Variants in KCNT2 observed in about 807,000 individuals in gnomAD.
The protein encoded by KCNT2 is potassium channel subfamily T member 2.
A neutral mutation model predicts 153.8 loss-of-function variants in KCNT2; 67 were observed. The ratio of observed to expected loss-of-function variants is 0.44; its 90% CI spans 0.36 to 0.53. The LOEUF (loss-of-function observed/expected upper bound fraction) is 0.53. Ranked by LOEUF, KCNT2 falls within the 20% of genes least tolerant of loss-of-function variation. The pLI, the probability that KCNT2 is intolerant of heterozygous loss-of-function variation, is 0.00. For missense variants in KCNT2, 975 were observed against 1,354.8 expected (o/e 0.72, Z 4.40); for synonymous variants, 500 against 458.8 (o/e 1.09, Z -1.15).
Position 196,315,963 on chromosome 1 carries a change from C to G in KCNT2, c.2412G>C (p.Glu804Asp). 1.2e-6 allele frequency: 2 copies of G among 1,610,302 alleles called. No individual in the cohort carries two copies. The highest frequency in any genetic ancestry group is 1.7e-6 in the Non-Finnish European group (2 of 1,177,580). Residue 804 changes from glutamate (E) to aspartate (D), a missense_variant, in exon 21 of 28, where the codon GAG becomes GAC. By Grantham distance (45) the Glu-to-Asp change is conservative. Coordinates refer to ENST00000294725, the MANE Select transcript of KCNT2 (RefSeq NM_198503.5). ...AGTCTTCCTCGGCACTCATGGTGCT[C>G]TCTTTATCCACAACCACCATATTAG... is the stretch of plus-strand genomic sequence containing the variant. ...FAANMVVVDK[E>D]STMSAEEDYM...
intron 1 of KCNT2, among the ~76,000 whole-genome samples, chr1:196,566,670 T>C (rs1284294988): frequency 2.0e-5 from 3 of 152,106 alleles, no homozygotes; most frequent in African/African-American, 7.2e-5. Context: ...AAACTGTTTT[T>C]ATAGTTTTAC....
At chr1:196,247,797 G>A (rs1162550218) in intron 26 of KCNT2, among the ~76,000 whole-genome samples, 1 of 151,974 alleles carries the variant, frequency 6.6e-6, no homozygotes, top group African/African-American at 2.4e-5. Flanking sequence ...ATATGGGTGG[G>A]GGCACAACCA....
rs537911413 is a variant in KCNT2, at chr1:196,305,086, A to T, written c.2595+148T>A. On this transcript the variant is annotated intron_variant, in intron 22 of 27. Coordinates refer to ENST00000294725, the MANE Select transcript of KCNT2 (RefSeq NM_198503.5). ...TCTGTCAATTCACATTTTTAAAAAAATTATCAATTAGAATTTCATCTCCCA... is the reference window on the plus strand; with the variant it reads ...TCTGTCAATTCACATTTTTAAAAAATTTATCAATTAGAATTTCATCTCCCA... 1.2e-4 allele frequency: 72 copies of T among 605,670 alleles called. 1 individual carries two copies. The South Asian group carries it at 1.4e-3, about 12-fold the overall frequency. The allele number at this position is 605,670 out of a possible 1,614,324, so 37.5% of individuals were successfully genotyped here. A position where few individuals can be genotyped will look rare whatever the true frequency, so the allele number is the denominator to read the frequency against.
chr1:196,604,112 T>C (rs897669266), intron 1 of KCNT2, among the ~76,000 whole-genome samples: 18 of 152,220 alleles, frequency 1.2e-4, no homozygotes, highest in African/African-American at 4.3e-4. Context: ...TTGAGCTATC[T>C]CTAATATGTG....
intron 14 of KCNT2, among the ~76,000 whole-genome samples, chr1:196,349,608 C>A (rs938026773): frequency 1.3e-5 from 2 of 152,112 alleles, no homozygotes; most frequent in East Asian, 3.9e-4. Flanking sequence ...CCTATAGACT[C>A]TAGCTTCTTC....
intron 8 of KCNT2, among the ~76,000 whole-genome samples, chr1:196,462,655 A>G (rs878983881): frequency 1.3e-5 from 2 of 151,710 alleles, no homozygotes; most frequent in Admixed American, 1.3e-4. Flanking sequence ...CTATTTGCTT[A>G]ACACTTTATA....
chr1:196,390,640 A>G (rs1024888205), intron 13 of KCNT2, among the ~76,000 whole-genome samples: 2 of 151,214 alleles, frequency 1.3e-5, no homozygotes, highest in Admixed American at 6.6e-5. Flanking sequence ...TTTTTAATCT[A>G]GTTAAAATTT....
At chr1:196,333,521 C>T (rs1664692514) in intron 17 of KCNT2, among the ~76,000 whole-genome samples, 1 of 151,850 alleles carries the variant, frequency 6.6e-6, no homozygotes, top group Admixed American at 6.6e-5. Flanking sequence ...GTACAATATA[C>T]TATAAAAACC....
In KCNT2 at chr1:196,479,181, T is replaced by C; in HGVS notation, c.382A>G (p.Lys128Glu). The stretch of plus-strand genomic sequence containing the variant: ...AACTGCTAATTAAAATAACTTACCT[T>C]ATAACTAAGATAACCAAGTAATATT... Reference protein sequence around the residue: ...ETILLGYLSYKGNIWEQILRI... With the variant: ...ETILLGYLSYEGNIWEQILRI... Residue 128 changes from lysine to glutamate, a missense_variant and splice_region_variant, in exon 5 of 28, where the codon AAG becomes GAG. Lys to Glu is a moderately conservative substitution (Grantham distance 56). Around this residue, in one of 6 missense-constraint regions of KCNT2, gnomAD observed 140 missense variants for 216.0 expected, o/e 0.65. Coordinates refer to ENST00000294725, the MANE Select transcript of KCNT2 (RefSeq NM_198503.5). The C allele has an allele frequency of 6.5e-7, 1 of 1,533,540 alleles. No individual in the cohort carries two copies. Among genetic ancestry groups the C allele is most frequent in the East Asian group, 2.3e-5 (1 of 44,206 alleles). The allele number at this position is 1,533,540 out of a possible 1,614,324, so 95.0% of individuals were successfully genotyped here.
Position 196,305,362 on chromosome 1 carries a change from C to T in KCNT2, c.2484-17G>A, listed in dbSNP as rs370772152. 4 of 1,293,654 alleles carry T rather than the reference C, an allele frequency of 3.1e-6. No individual in the cohort carries two copies. The highest frequency in any genetic ancestry group is 1.7e-5 in the Admixed American group (1 of 59,052). The allele number at this position is 1,293,654 out of a possible 1,614,324, so 80.1% of individuals were successfully genotyped here. On this transcript the variant is annotated splice_polypyrimidine_tract_variant and intron_variant, in intron 21 of 27. Transcript: ENST00000294725. The stretch of plus-strand genomic sequence containing the variant: ...GAAAACAACCTACATTTCAAAAGAA[C>T]ATTTGCATTACACTAACAATCCAAT...
chr1:196,262,687 G>A (rs1254013640), intron 25 of KCNT2, among the ~76,000 whole-genome samples: 1 of 151,940 alleles, frequency 6.6e-6, no homozygotes, highest in Non-Finnish European at 1.5e-5. Flanking sequence ...AATTTAATAT[G>A]TACACGTGGT....
At chr1:196,319,414 A>T in intron 20 of KCNT2, 70 bp downstream of exon 20, 12 of 973,526 alleles carry the variant, frequency 1.2e-5, no homozygotes, top group Non-Finnish European at 1.9e-5. Context: ...ATCATGCAGT[A>T]ACAAGGCACA....
At position 196,230,935 on chromosome 1, in the gene KCNT2, G is replaced by A. The variant is rs112216908; in HGVS notation, c.3297-2600C>T. The stretch of plus-strand genomic sequence containing the variant: ...CCAGTTTCAAAAGAAGTTCCACTTC[G>A]GGTAAAATGCTATCAAAGGGTATTA... On this transcript the variant is annotated intron_variant, in intron 27 of 27. Coordinates refer to ENST00000294725, the MANE Select transcript of KCNT2 (RefSeq NM_198503.5). Among the ~76,000 whole-genome samples the A allele has an allele frequency of 5.0e-3, 758 of 152,022 alleles. 8 individuals are homozygous for A. Among genetic ancestry groups the A allele is most frequent in the African/African-American group, 0.017 (709 of 41,514 alleles).
chr1:196,281,082 G>T, intron 24 of KCNT2, 94 bp from the exon 25 acceptor site: 12 of 958,388 alleles, frequency 1.3e-5, no homozygotes, highest in Non-Finnish European at 1.6e-5. Flanking sequence ...TTTTTGTGGG[G>T]GGCAGGGTCT....
At chr1:196,399,621 C>T (rs1671243655) in intron 12 of KCNT2, among the ~76,000 whole-genome samples, 1 of 151,668 alleles carries the variant, frequency 6.6e-6, no homozygotes, top group African/African-American at 2.4e-5. Context: ...ACACGAGGGA[C>T]TGTTTATCCA....
At chr1:196,531,379 A>G (rs1317846497) in intron 1 of KCNT2, among the ~76,000 whole-genome samples, 2 of 152,108 alleles carry the variant, frequency 1.3e-5, no homozygotes, top group Admixed American at 1.3e-4. Context: ...ACTGACTTAC[A>G]TTTAAATCCA....
intron 1 of KCNT2, among the ~76,000 whole-genome samples, chr1:196,529,049 A>C (rs1654606427): frequency 1.3e-5 from 2 of 152,144 alleles, no homozygotes; most frequent in Non-Finnish European, 2.9e-5. Context: ...TTTAAATAGC[A>C]ATGATAGAGA....
At chr1:196,243,220 C>T (rs1198260536) in intron 26 of KCNT2, among the ~76,000 whole-genome samples, 1 of 152,164 alleles carries the variant, frequency 6.6e-6, no homozygotes, top group East Asian at 1.9e-4. Context: ...AATATAGCCA[C>T]TCTAGCTTTC....
At chr1:196,501,917 G>A (rs1452319846) in intron 1 of KCNT2, among the ~76,000 whole-genome samples, 1 of 152,100 alleles carries the variant, frequency 6.6e-6, no homozygotes, top group African/African-American at 2.4e-5. Context: ...TCAGGAGTTT[G>A]AGACCAGCCT....
Sources: gnomAD v4.1 joint callset for allele counts (sites outside exome capture counted in the v4.1 genomes callset) on GRCh38, gnomAD v4.1.1 for gene constraint, gnomAD v4.1.1 regional missense constraint, MANE v1.5 for transcripts, NCBI Gene and HGNC (gene_info 2026-07-23, HGNC 2026-07-21) for gene names.